Variants in IFT52 observed in about 807,000 individuals in gnomAD.
The protein encoded by IFT52 is intraflagellar transport 52, also known as intraflagellar transport protein 52 homolog.
IFT52 carries 44 observed loss-of-function variants against 54.4 expected under a neutral mutation model. The observed-to-expected ratio is 0.81, with a 90% CI of 0.63 to 1.04. The LOEUF is 1.04. Ranked by LOEUF, IFT52 falls within the 50% of genes least tolerant of loss-of-function variation. IFT52 has a pLI of 0.00. For missense variants in IFT52, 452 were observed against 523.6 expected, an observed-to-expected ratio of 0.86 and a Z score of 1.33; for synonymous variants, 181 against 185.3, an observed-to-expected ratio of 0.98 and a Z score of 0.19.
At chr20:43,624,163 T>C (rs1035259216) in intron 10 of IFT52, 118 bp downstream of exon 10, 141 of 1,122,560 alleles carry the variant, frequency 1.3e-4, no homozygotes, top group Non-Finnish European at 1.7e-4. Context: ...GAACATGTTC[T>C]CAGATCTATG....
chr20:43,633,575 G>C (rs1985323621), intron 10 of IFT52, among the ~76,000 whole-genome samples: 1 of 151,856 alleles, frequency 6.6e-6, no homozygotes. Flanking sequence ...AGGCATGGTG[G>C]CACGCGTTTG....
In IFT52 at chr20:43,620,839, CT is replaced by C. The variant is rs567507538; in HGVS notation, c.700-8del. 4.6e-4 allele frequency: 588 copies of C among 1,276,724 alleles called. No homozygotes were observed. The highest frequency in any genetic ancestry group is 6.7e-4 in the South Asian group (47 of 70,618). The allele number at this position is 1,276,724 out of a possible 1,614,324, so 79.1% of individuals were successfully genotyped here. On this transcript the variant is annotated splice_polypyrimidine_tract_variant and intron_variant, in intron 8 of 13. Transcript: ENST00000373030. ...AATAACCAACTGTCCTAATTATATACTTTTTTTTTTAATTTAGGATGTTGTT... is the reference window on the plus strand; with the variant it reads ...AATAACCAACTGTCCTAATTATATACTTTTTTTTTAATTTAGGATGTTGTT...
intron 1 of IFT52, among the ~76,000 whole-genome samples, 166 bp from the exon 2 acceptor site, chr20:43,594,527 C>A (rs2145579966): frequency 6.6e-6 from 1 of 152,204 alleles, no homozygotes. Flanking sequence ...CTGTGCTATG[C>A]TTTTGCATTT....
intron 7 of IFT52, among the ~76,000 whole-genome samples, chr20:43,617,663 C>G (rs962915007): frequency 2.4e-4 from 36 of 152,140 alleles, no homozygotes; most frequent in African/African-American, 8.5e-4. Context: ...AGCCTGGTCT[C>G]GAACTCCTGG....
chr20:43,635,057 A>T (rs1268210181), intron 10 of IFT52, among the ~76,000 whole-genome samples: 1 of 151,988 alleles, frequency 6.6e-6, no homozygotes, highest in Non-Finnish European at 1.5e-5. Context: ...AATCCCAGCT[A>T]CTTGGGAGGC....
In IFT52 at chr20:43,644,286, A is replaced by G. The variant is rs189505328; in HGVS notation, c.1266+1662A>G. Among the ~76,000 whole-genome samples the G allele has an allele frequency of 9.3e-4, 54 of 58,136 alleles. 19 individuals carry two copies. The highest frequency in any genetic ancestry group is 2.7e-3 in the African/African-American group (54 of 20,136). The allele number at this position is 58,136 out of a possible 152,430, so 38.1% of individuals were successfully genotyped here. Reference sequence around the variant, plus strand: ...GTTCCACTTGTCTGGAGATATTTTTATAATACTGTTGAAAAGCCCTAAAAT... The same window carrying G: ...GTTCCACTTGTCTGGAGATATTTTTGTAATACTGTTGAAAAGCCCTAAAAT... On this transcript the variant is annotated intron_variant, in intron 13 of 13. Coordinates refer to ENST00000373030, the MANE Select transcript of IFT52 (RefSeq NM_016004.5).
intron 10 of IFT52, 49 bp downstream of exon 10, chr20:43,624,094 T>C: frequency 6.3e-7 from 1 of 1,588,504 alleles, no homozygotes; most frequent in South Asian, 1.1e-5. Context: ...TTCTGAGTGT[T>C]TGGTTTGGAA....
At position 43,633,507 on chromosome 20, in the gene IFT52, A is replaced by G. The variant is rs920517838; in HGVS notation, c.924-2419A>G. Among the ~76,000 whole-genome samples the G allele has an allele frequency of 2.8e-4, 43 of 152,178 alleles. 1 individual carries two copies. The highest frequency in any genetic ancestry group is 9.2e-4 in the African/African-American group (38 of 41,514). On this transcript the variant is annotated intron_variant, in intron 10 of 13. Coordinates refer to ENST00000373030, the MANE Select transcript of IFT52 (RefSeq NM_016004.5). ...GGTGGATCACGAGGTCAGGAGTTCGAGACCAGCCTGTCCAACATGGTGAAA... is the reference window on the plus strand; with the variant it reads ...GGTGGATCACGAGGTCAGGAGTTCGGGACCAGCCTGTCCAACATGGTGAAA...
intron 13 of IFT52, 73 bp downstream of exon 13, chr20:43,642,697 A>C: frequency 7.0e-7 from 1 of 1,435,246 alleles, no homozygotes; most frequent in Non-Finnish European, 9.5e-7. Flanking sequence ...TGTGCTTGCC[A>C]TGTTTTATGA....
At chr20:43,598,770 G>A (rs1982198994) in intron 3 of IFT52, among the ~76,000 whole-genome samples, 1 of 152,106 alleles carries the variant, frequency 6.6e-6, no homozygotes, top group Non-Finnish European at 1.5e-5. Context: ...GAAAGATTAG[G>A]TGTGTTTTTT....
chr20:43,593,555 G>C (rs146884590), intron 1 of IFT52, among the ~76,000 whole-genome samples: 1 of 152,096 alleles, frequency 6.6e-6, no homozygotes, highest in Non-Finnish European at 1.5e-5. Flanking sequence ...AATGAATACT[G>C]TGTAGCTGTT....
intron 12 of IFT52, among the ~76,000 whole-genome samples, chr20:43,641,284 C>T (rs1275695426): frequency 2.6e-5 from 4 of 151,836 alleles, no homozygotes; most frequent in African/African-American, 7.3e-5. Flanking sequence ...TGCAGTGGCA[C>T]GATCTTGGCT....
chr20:43,607,721 C>A (rs1013711915), intron 6 of IFT52, among the ~76,000 whole-genome samples: 3 of 151,568 alleles, frequency 2.0e-5, no homozygotes, highest in African/African-American at 7.3e-5. Flanking sequence ...CAGGCAGAGA[C>A]GCTCCTCACT....
intron 12 of IFT52, among the ~76,000 whole-genome samples, chr20:43,639,587 T>A (rs901438507): frequency 6.6e-6 from 1 of 152,162 alleles, no homozygotes; most frequent in Non-Finnish European, 1.5e-5. Context: ...GGAGAATCGC[T>A]TGAACCCAGG....
intron 6 of IFT52, among the ~76,000 whole-genome samples, chr20:43,608,372 T>C (rs941760468): frequency 2.6e-5 from 4 of 152,176 alleles, no homozygotes; most frequent in Non-Finnish European, 5.9e-5. Context: ...CTAGTAAACA[T>C]CGTATCTCTT....
At chr20:43,626,381 A>G (rs1008723090) in intron 10 of IFT52, among the ~76,000 whole-genome samples, 5 of 151,184 alleles carry the variant, frequency 3.3e-5, no homozygotes, top group African/African-American at 1.2e-4. Flanking sequence ...CTCCTGCCTG[A>G]GCCTCCTGAG....
At chr20:43,613,515 C>T (rs1439855483) in intron 6 of IFT52, among the ~76,000 whole-genome samples, 1 of 152,182 alleles carries the variant, frequency 6.6e-6, no homozygotes, top group African/African-American at 2.4e-5. Flanking sequence ...AGCACCGTGG[C>T]ACACGCCTGT....
At chr20:43,620,225 T>C (rs1233576729) in intron 8 of IFT52, among the ~76,000 whole-genome samples, 2 of 152,248 alleles carry the variant, frequency 1.3e-5, no homozygotes, top group East Asian at 1.9e-4. Context: ...CTAGGTATTC[T>C]TCTTTTCAAA....
At chr20:43,617,131 C>T (rs1368762225) in intron 7 of IFT52, among the ~76,000 whole-genome samples, 1 of 152,076 alleles carries the variant, frequency 6.6e-6, no homozygotes, top group Non-Finnish European at 1.5e-5. Context: ...AAGAAGGTTG[C>T]ATCATTCTGA....
Sources: allele counts gnomAD v4.1 joint callset (sites outside exome capture counted in the v4.1 genomes callset), GRCh38; gene constraint gnomAD v4.1.1; transcripts MANE v1.5; gene names NCBI Gene and HGNC (gene_info 2026-07-23, HGNC 2026-07-21).